TEAD4: variants seen among roughly 807,000 people sequenced by gnomAD.
TEAD4 encodes the protein transcriptional enhancer factor TEF-3.
In TEAD4, 36 loss-of-function variants were observed where a neutral mutation model predicts 52.4. That is an observed-to-expected ratio of 0.69 (90% CI 0.53 to 0.91). TEAD4 has a LOEUF of 0.91. Ranked by LOEUF, TEAD4 falls within the 40% of genes least tolerant of loss-of-function variation. TEAD4 has a pLI of 0.00. For synonymous variants in TEAD4, 220 were observed against 231.0 expected (o/e 0.95, Z 0.43); for missense variants, 508 against 583.9 (o/e 0.87, Z 1.34).
chr12:3,025,492 G>C (rs2098271531), intron 10 of TEAD4, among the ~76,000 whole-genome samples: 1 of 151,568 alleles, frequency 6.6e-6, no homozygotes, highest in Non-Finnish European at 1.5e-5. Context: ...AAAGAATCTA[G>C]ATCATACATC....
intron 5 of TEAD4, among the ~76,000 whole-genome samples, chr12:3,013,898 TAAAG>T (rs1349192924): frequency 6.6e-6 from 1 of 151,946 alleles, no homozygotes; most frequent in Non-Finnish European, 1.5e-5. Flanking sequence ...TTTTTTATAT[TAAAG>T]AAAAGCCACT....
intron 9 of TEAD4, 118 bp downstream of exon 9, chr12:3,020,891 C>T (rs763913332): frequency 8.2e-5 from 96 of 1,169,400 alleles, no homozygotes; most frequent in Non-Finnish European, 1.1e-4. Flanking sequence ...TGTTCCTTTC[C>T]GATCTTCCCT....
intron 2 of TEAD4, among the ~76,000 whole-genome samples, chr12:2,978,343 T>A (rs1209746115): frequency 6.6e-6 from 1 of 151,964 alleles, no homozygotes; most frequent in Non-Finnish European, 1.5e-5. Context: ...CTTCCGAAAC[T>A]GAAACGCTGT....
At chr12:2,989,569 G>C (rs558906884) in intron 2 of TEAD4, among the ~76,000 whole-genome samples, 56 of 152,216 alleles carry the variant, frequency 3.7e-4, no homozygotes, top group Middle Eastern at 6.8e-3. Context: ...CTCCCAAGTA[G>C]CTGGGATGAC....
intron 2 of TEAD4, among the ~76,000 whole-genome samples, chr12:2,973,688 G>A (rs1430439543): frequency 6.6e-6 from 1 of 152,196 alleles, no homozygotes; most frequent in Non-Finnish European, 1.5e-5. Flanking sequence ...TGGTTTGCCG[G>A]GCATCCTTCC....
chr12:3,000,103 C>T (rs116294857), intron 3 of TEAD4, among the ~76,000 whole-genome samples: 3 of 152,278 alleles, frequency 2.0e-5, no homozygotes, highest in Non-Finnish European at 4.4e-5. Context: ...GGTCTCTGCT[C>T]TCCACAACTT....
chr12:3,030,754 C>T (rs537733389), intron 10 of TEAD4, among the ~76,000 whole-genome samples: 5 of 152,222 alleles, frequency 3.3e-5, no homozygotes, highest in Non-Finnish European at 5.9e-5. Flanking sequence ...TGTGCCACTT[C>T]GAAGGGGTCG....
At chr12:3,010,562 C>T (rs1296928228) in intron 3 of TEAD4, among the ~76,000 whole-genome samples, 3 of 152,330 alleles carry the variant, frequency 2.0e-5, no homozygotes, top group African/African-American at 7.2e-5. Context: ...CGCTTCTACT[C>T]GTTTACAGAG....
chr12:2,996,502 C>T (rs775846621), intron 3 of TEAD4, among the ~76,000 whole-genome samples: 28 of 151,794 alleles, frequency 1.8e-4, no homozygotes, highest in Non-Finnish European at 3.2e-4. Flanking sequence ...CTCTGCCTCC[C>T]GGGTTCAAGC....
At chr12:3,032,057 T>C (rs1466955651) in intron 10 of TEAD4, among the ~76,000 whole-genome samples, 1 of 152,208 alleles carries the variant, frequency 6.6e-6, no homozygotes, top group Non-Finnish European at 1.5e-5. Context: ...AGCCAGCCCC[T>C]TGGGCTTCTT....
At chr12:2,962,968 G>C (rs1034658956) in intron 2 of TEAD4, among the ~76,000 whole-genome samples, 6 of 152,188 alleles carry the variant, frequency 3.9e-5, no homozygotes, top group African/African-American at 1.4e-4. Context: ...GCGGAAGCTG[G>C]AGCAGACTGA....
chr12:2,961,923 A>G (rs2098215691), intron 2 of TEAD4, among the ~76,000 whole-genome samples: 2 of 152,136 alleles, frequency 1.3e-5, no homozygotes, highest in South Asian at 4.2e-4. Flanking sequence ...CCGCGTCCTT[A>G]GGAATCCAGG....
chr12:2,985,738 T>C (rs544559920), intron 2 of TEAD4, among the ~76,000 whole-genome samples: 301 of 152,144 alleles, frequency 2.0e-3, no homozygotes, highest in Non-Finnish European at 3.6e-3. Context: ...GCTCCTGACC[T>C]CGTGATCCAC....
intron 2 of TEAD4, among the ~76,000 whole-genome samples, chr12:2,978,865 A>G (rs995977089): frequency 2.0e-5 from 3 of 152,068 alleles, no homozygotes; most frequent in Non-Finnish European, 2.9e-5. Context: ...ACTTAGTGCA[A>G]TGTCCTTAAG....
chr12:3,001,318 G>A (rs530974794), intron 3 of TEAD4, among the ~76,000 whole-genome samples: 1 of 152,256 alleles, frequency 6.6e-6, no homozygotes, highest in East Asian at 1.9e-4. Flanking sequence ...ACCTTTTTGT[G>A]CAACCATCAT....
At chr12:3,007,962 A>G (rs959796601) in intron 3 of TEAD4, among the ~76,000 whole-genome samples, 2 of 152,204 alleles carry the variant, frequency 1.3e-5, no homozygotes, top group Non-Finnish European at 2.9e-5. Context: ...CCAGCATCTT[A>G]GCATTCATTC....
chr12:3,034,687 C>T (rs571735574), intron 10 of TEAD4, among the ~76,000 whole-genome samples: 1 of 152,210 alleles, frequency 6.6e-6, no homozygotes, highest in African/African-American at 2.4e-5. Flanking sequence ...AATCCCCCCA[C>T]TTTGGGAAGC....
In TEAD4 at chr12:2,968,054, A is replaced by G. The variant is rs978340316; in HGVS notation, c.-30+8014A>G. Among the ~76,000 whole-genome samples the G allele has an allele frequency of 5.0e-5, 7 of 140,760 alleles. No individual in the cohort carries two copies. In the East Asian group the frequency reaches 1.3e-3, roughly 26 times the overall value. 92.3% of individuals were successfully genotyped at this position (140,760 alleles called of 152,430 possible). On this transcript the variant is annotated intron_variant, in intron 2 of 12. Transcript: ENST00000359864. Reference sequence around the variant, plus strand: ...TTTTGTGGGTCTTCCTCTACCCCCAACCAGTGATCTGATCTCAAACATGTG... The same window carrying G: ...TTTTGTGGGTCTTCCTCTACCCCCAGCCAGTGATCTGATCTCAAACATGTG...
At chr12:3,000,400 C>A (rs2098250694) in intron 3 of TEAD4, among the ~76,000 whole-genome samples, 1 of 152,194 alleles carries the variant, frequency 6.6e-6, no homozygotes, top group South Asian at 2.1e-4. Context: ...GGAGGGAACT[C>A]TGCAGAGTCC....
Sources: allele counts gnomAD v4.1 joint callset (sites outside exome capture counted in the v4.1 genomes callset), GRCh38; gene constraint gnomAD v4.1.1; transcripts MANE v1.5; gene names NCBI Gene and HGNC (gene_info 2026-07-23, HGNC 2026-07-21).